COL7A1: variants seen among roughly 807,000 people sequenced by gnomAD.
COL7A1 encodes collagen alpha-1(VII) chain.
Under a neutral mutation model 456.2 loss-of-function variants are expected in COL7A1, and 296 were observed. The observed-to-expected ratio is 0.65, with a 90% CI of 0.59 to 0.71. The LOEUF (loss-of-function observed/expected upper bound fraction) is 0.71, where lower values mean the gene tolerates loss of function less well. COL7A1 is among the 30% of genes least tolerant of loss of function. The probability of loss-of-function intolerance (pLI) is 0.00; values close to 1 mark genes in which losing one functional copy is unlikely to be tolerated. For missense variants in COL7A1, 3,441 were observed against 4,017.2 expected (o/e 0.86, Z 3.88); for synonymous variants, 1,464 against 1,525.9 (o/e 0.96, Z 0.95).
chr3:48,574,682 C>T lies in COL7A1; in HGVS notation c.6388G>A (p.Asp2130Asn), dbSNP rs375909549. Residue 2130 changes from aspartate to asparagine, a missense_variant, in exon 78 of 119, where the codon GAC becomes AAC. Asp to Asn is a conservative substitution (Grantham distance 23). This residue lies in a region of COL7A1 where 2,084 missense variants were observed against 2,501.3 expected (regional missense o/e 0.83). Coordinates refer to ENST00000681320, the MANE Select transcript of COL7A1 (RefSeq NM_000094.4). This position sits in a 1 kb window ranked among gnomAD's most constrained non-coding sequence, Gnocchi z 5.0. ...AGGGTGGAGAGAGGCCTCACCCTGTCTCCTTTGGGACCTTGGTCACCATTG... is the reference window on the plus strand; with the variant it reads ...AGGGTGGAGAGAGGCCTCACCCTGTTTCCTTTGGGACCTTGGTCACCATTG... ...GSNGDQGPKG[D>N]RGVPGIKGDR... 1.8e-5 allele frequency: 29 copies of T among 1,613,852 alleles called. No homozygotes were observed. The African/African-American group carries it at 2.7e-4, about 15-fold the overall frequency.
Position 48,580,942 on chromosome 3 carries a change from A to C in COL7A1, c.4936-16T>G. 6.2e-7 allele frequency: 1 copy of C among 1,614,016 alleles called. No homozygotes were observed. The highest frequency in any genetic ancestry group is 2.2e-5 in the East Asian group (1 of 44,878). ...CCGGGTCACCCTGGTGATAGAGAGA[A>C]AAGTCATACTGCACAGGGCAGTCAG... is the stretch of plus-strand genomic sequence containing the variant. On this transcript the variant is annotated splice_polypyrimidine_tract_variant and intron_variant, in intron 53 of 118. Coordinates refer to ENST00000681320, the MANE Select transcript of COL7A1 (RefSeq NM_000094.4). This position sits in a 1 kb window ranked among gnomAD's most constrained non-coding sequence, Gnocchi z 4.5.
rs1370729684 is a variant in COL7A1, at chr3:48,579,297, A to G, written c.5308-20T>C. 1.2e-6 allele frequency: 2 copies of G among 1,614,002 alleles called. No individual in the cohort carries two copies. Among genetic ancestry groups the G allele is most frequent in the Non-Finnish European group, 1.7e-6 (2 of 1,180,004 alleles). On this transcript the variant is annotated intron_variant, in intron 61 of 118. Transcript: ENST00000681320. This position sits in a 1 kb window ranked among gnomAD's most constrained non-coding sequence, Gnocchi z 4.4. The stretch of plus-strand genomic sequence containing the variant: ...GTCACCCTGTGGAAAATAGAGTGGT[A>G]AGAGGCCACCAAGGCTGAGGTGGAT...
chr3:48,585,541 T>C lies in COL7A1; in HGVS notation c.3894+16A>G, dbSNP rs1416064821. ...GAGGAGTGCCTCAGAGAAACCTCGA[T>C]GGTCTCCACACTCACCCTCTCGCCC... On this transcript the variant is annotated intron_variant, in intron 32 of 118. Coordinates refer to ENST00000681320, the MANE Select transcript of COL7A1 (RefSeq NM_000094.4). The surrounding 1 kb of genome is among the most constrained non-coding windows in gnomAD (Gnocchi z 4.5). 6 of 1,613,660 alleles carry C rather than the reference T, an allele frequency of 3.7e-6. No individual in the cohort carries two copies. Among genetic ancestry groups the C allele is most frequent in the South Asian group, 1.1e-5 (1 of 91,074 alleles).
Position 48,580,342 on chromosome 3 carries a change from G to T in COL7A1, c.5055C>A (p.Gly1685=), listed in dbSNP as rs762239115. 6.2e-7 allele frequency: 1 copy of T among 1,609,496 alleles called. No individual in the cohort carries two copies. Among genetic ancestry groups the T allele is most frequent in the South Asian group, 1.1e-5 (1 of 90,280 alleles). The part of the protein sequence containing the change: ...QGDPGEDGRN[G]SPGSSGPKGD... ...CCTTGGGTCCAGATGATCCAGGGCTGCCCTGCAGAAAGGCAGGGGTCAGGG... is the reference window on the plus strand; with the variant it reads ...CCTTGGGTCCAGATGATCCAGGGCTTCCCTGCAGAAAGGCAGGGGTCAGGG... Residue 1685 remains glycine, a splice_region_variant and synonymous_variant, in exon 56 of 119, where the codon GGC becomes GGA. Transcript: ENST00000681320. This position sits in a 1 kb window ranked among gnomAD's most constrained non-coding sequence, Gnocchi z 4.5.
Position 48,570,482 on chromosome 3 carries a change from C to T in COL7A1, c.7363G>A (p.Gly2455Arg), listed in dbSNP as rs754075625. ...CCACCTACCTTGTCTCCTTTGAGTC[C>T]AGAGGCCCCAGGTGGTCCCTGTAGG... ...PGSVGPPGAS[G>R]LKGDKGDPGV... The change falls in exon 97 of 119, where the codon GGA becomes AGA. Residue 2455 changes from glycine to arginine, a missense_variant. Transcript: ENST00000681320. This position sits in a 1 kb window ranked among gnomAD's most constrained non-coding sequence, Gnocchi z 5.5. 6 of 1,613,938 alleles carry T rather than the reference C, an allele frequency of 3.7e-6. No homozygotes were observed. In the East Asian group the frequency reaches 1.3e-4, roughly 36 times the overall value.
rs2044041345 is a variant in COL7A1, at chr3:48,573,005, G to A, written c.6750+16C>T. The stretch of plus-strand genomic sequence containing the variant: ...CCTTGACCCCTGGAGCCCAACCCTT[G>A]ACCCCCAGAACTCACCACTTGTCCA... On this transcript the variant is annotated intron_variant, in intron 86 of 118. Coordinates refer to ENST00000681320, the MANE Select transcript of COL7A1 (RefSeq NM_000094.4). The surrounding 1 kb of genome is among the most constrained non-coding windows in gnomAD (Gnocchi z 5.5). 6.2e-7 allele frequency: 1 copy of A among 1,613,912 alleles called. No homozygotes were observed. Among genetic ancestry groups the A allele is most frequent in the African/African-American group, 1.3e-5 (1 of 74,872 alleles).
In COL7A1 at chr3:48,565,069, T is replaced by C. The variant is rs1366939818; in HGVS notation, c.8620+40A>G. The C allele has an allele frequency of 2.5e-6, 4 of 1,573,206 alleles. No homozygotes were observed. The highest frequency in any genetic ancestry group is 3.4e-6 in the Non-Finnish European group (4 of 1,164,370). On this transcript the variant is annotated intron_variant, in intron 117 of 118. Coordinates refer to ENST00000681320, the MANE Select transcript of COL7A1 (RefSeq NM_000094.4). The surrounding 1 kb of genome is among the most constrained non-coding windows in gnomAD (Gnocchi z 4.5). Reference sequence around the variant, plus strand: ...GAGGTCAGCAGGGCTCAGCCCTGCCTGCCCCTCCCCAGACCCCGCTGGCAG... The same window carrying C: ...GAGGTCAGCAGGGCTCAGCCCTGCCCGCCCCTCCCCAGACCCCGCTGGCAG...
At position 48,567,109 on chromosome 3, in the gene COL7A1, GACC is replaced by G; in HGVS notation, c.8109+16_8109+18del. 6.2e-7 allele frequency: 1 copy of G among 1,613,504 alleles called. No individual in the cohort carries two copies. Among genetic ancestry groups the G allele is most frequent in the East Asian group, 2.2e-5 (1 of 44,794 alleles). ...GTGCACGCTCCCCTCAATTCACCAT[GACC>G]ATGGCTTCAACTCACCCGCTCCCCT... On this transcript the variant is annotated intron_variant, in intron 110 of 118. Coordinates refer to ENST00000681320, the MANE Select transcript of COL7A1 (RefSeq NM_000094.4). This position sits in a 1 kb window ranked among gnomAD's most constrained non-coding sequence, Gnocchi z 4.3.
chr3:48,589,003 C>T lies in COL7A1; in HGVS notation c.2315-8G>A. On this transcript the variant is annotated splice_polypyrimidine_tract_variant and splice_region_variant and intron_variant, in intron 18 of 118. Coordinates refer to ENST00000681320, the MANE Select transcript of COL7A1 (RefSeq NM_000094.4). ...GACCCACAGGCTCAGGGGCTGGGGACAGAGGCAAGGTAAGGGGTCCTGGTA... is the reference window on the plus strand; with the variant it reads ...GACCCACAGGCTCAGGGGCTGGGGATAGAGGCAAGGTAAGGGGTCCTGGTA... The T allele has an allele frequency of 6.2e-7, 1 of 1,613,300 alleles. No homozygotes were observed. The highest frequency in any genetic ancestry group is 1.1e-5 in the South Asian group (1 of 91,086).
chr3:48,572,293 G>T lies in COL7A1; in HGVS notation c.6978+87C>A. 1 of 1,611,354 alleles carries T rather than the reference G, an allele frequency of 6.2e-7. No individual in the cohort carries two copies. The highest frequency in any genetic ancestry group is 1.1e-5 in the South Asian group (1 of 91,016). On this transcript the variant is annotated intron_variant, in intron 90 of 118. Transcript: ENST00000681320. The surrounding 1 kb of genome is among the most constrained non-coding windows in gnomAD (Gnocchi z 4.6). ...TATGAAAGCTGAGGGTCATGAGGGT[G>T]GGTAAACTATGGGTCGAAGGTCAGA...
rs777799240 is a variant in COL7A1, at chr3:48,569,651, G to T, written c.7558-3C>A. 1.2e-6 allele frequency: 2 copies of T among 1,613,962 alleles called. No homozygotes were observed. On this transcript the variant is annotated splice_region_variant and splice_polypyrimidine_tract_variant and intron_variant, in intron 101 of 118. Transcript: ENST00000681320. This position sits in a 1 kb window ranked among gnomAD's most constrained non-coding sequence, Gnocchi z 4.9. ...CCCAGGATCACAGCTGAGTCTCCCT[G>T]AGGGGGCAGGCAGGAATCAGAGGAG...
In COL7A1 at chr3:48,566,402, C is replaced by T. The variant is rs2107630758; in HGVS notation, c.8359-87G>A. On this transcript the variant is annotated intron_variant, in intron 113 of 118. Coordinates refer to ENST00000681320, the MANE Select transcript of COL7A1 (RefSeq NM_000094.4). The surrounding 1 kb of genome is among the most constrained non-coding windows in gnomAD (Gnocchi z 5.9). ...ACATAATACAGGGACTATGGTGAGA[C>T]TGCATGGAGCCAGGGCCCAGGGGTC... is the stretch of plus-strand genomic sequence containing the variant. The T allele has an allele frequency of 1.9e-6, 3 of 1,606,542 alleles. No homozygotes were observed. Among genetic ancestry groups the T allele is most frequent in the Middle Eastern group, 1.7e-4 (1 of 6,050 alleles).
Position 48,581,369 on chromosome 3 carries a change from C to T in COL7A1, c.4819-29G>A. On this transcript the variant is annotated intron_variant, in intron 51 of 118. Coordinates refer to ENST00000681320, the MANE Select transcript of COL7A1 (RefSeq NM_000094.4). The surrounding 1 kb of genome is among the most constrained non-coding windows in gnomAD (Gnocchi z 5.8). The stretch of plus-strand genomic sequence containing the variant: ...TGGAGGAGGCAAGAGGGAGGTGATG[C>T]AGGACGCTCGAAGCAAGCAGTTCTC... The T allele has an allele frequency of 6.2e-7, 1 of 1,613,688 alleles. No individual in the cohort carries two copies. The highest frequency in any genetic ancestry group is 1.3e-5 in the African/African-American group (1 of 74,992).
Position 48,575,267 on chromosome 3 carries a change from G to A in COL7A1, c.6181-25C>T, listed in dbSNP as rs2044211033. The A allele has an allele frequency of 6.2e-7, 1 of 1,613,732 alleles. No individual in the cohort carries two copies. ...CCTGAAATGCAAATAGCGGGTGAGG[G>A]CCAAGCCCATGGGGGGTCCCACCCC... On this transcript the variant is annotated intron_variant, in intron 74 of 118. Coordinates refer to ENST00000681320, the MANE Select transcript of COL7A1 (RefSeq NM_000094.4). This position sits in a 1 kb window ranked among gnomAD's most constrained non-coding sequence, Gnocchi z 6.3.
Position 48,568,665 on chromosome 3 carries a change from C to A in COL7A1, c.7758+119G>T. 6 of 1,479,074 alleles carry A rather than the reference C, an allele frequency of 4.1e-6. No homozygotes were observed. The highest frequency in any genetic ancestry group is 5.5e-6 in the Non-Finnish European group (6 of 1,083,866). 91.6% of individuals were successfully genotyped at this position (1,479,074 alleles called of 1,614,324 possible). ...CACACACAGATCCCGGGTGAACACA[C>A]ATGGGGCCGGCAGCAAGGGAGCCAG... On this transcript the variant is annotated intron_variant, in intron 104 of 118. Transcript: ENST00000681320. The surrounding 1 kb of genome is among the most constrained non-coding windows in gnomAD (Gnocchi z 5.2).
rs947989087 is a variant in COL7A1 at position 48,582,524 on chromosome 3, A to G, written c.4564-11T>C. The G allele has an allele frequency of 6.2e-7, 1 of 1,613,916 alleles. No individual in the cohort carries two copies. On this transcript the variant is annotated splice_polypyrimidine_tract_variant and intron_variant, in intron 45 of 118. Coordinates refer to ENST00000681320, the MANE Select transcript of COL7A1 (RefSeq NM_000094.4). ...GGGTCCTGGTGGCCCCTGAATGTAG[A>G]GAAAGTGTGAGCCCAGGAGGGGAAG...
In COL7A1 at chr3:48,572,089, C is replaced by T. The variant is rs779790020; in HGVS notation, c.7023+38G>A. The T allele has an allele frequency of 6.2e-7, 1 of 1,613,722 alleles. No homozygotes were observed. Among genetic ancestry groups the T allele is most frequent in the East Asian group, 2.2e-5 (1 of 44,860 alleles). Reference sequence around the variant, plus strand: ...GAGGGGTGTCTGGACTGAGCCTTCTCTGCTCAGTAGTCAGGCCCCAGGGCC... The same window carrying T: ...GAGGGGTGTCTGGACTGAGCCTTCTTTGCTCAGTAGTCAGGCCCCAGGGCC... On this transcript the variant is annotated intron_variant, in intron 91 of 118. Transcript: ENST00000681320. The surrounding 1 kb of genome is among the most constrained non-coding windows in gnomAD (Gnocchi z 4.6).
At position 48,573,687 on chromosome 3, in the gene COL7A1, C is replaced by G; in HGVS notation, c.6573+3G>C. 6.2e-7 allele frequency: 1 copy of G among 1,612,878 alleles called. No homozygotes were observed. The highest frequency in any genetic ancestry group is 8.5e-7 in the Non-Finnish European group (1 of 1,179,406). ...CACCAGGCAGTGTTCCCTGGTCACT[C>G]ACCGGGGCACCAGGTGGTCCAGGGT... is the stretch of plus-strand genomic sequence containing the variant. On this transcript the variant is annotated splice_donor_region_variant and intron_variant, in intron 82 of 118. Transcript: ENST00000681320. This position sits in a 1 kb window ranked among gnomAD's most constrained non-coding sequence, Gnocchi z 5.5.
chr3:48,594,803 C>A lies in COL7A1; in HGVS notation c.86-255G>T, dbSNP rs2045961969. Among the ~76,000 whole-genome samples the A allele has an allele frequency of 6.6e-6, 1 of 152,094 alleles. No individual in the cohort carries two copies. The highest frequency in any genetic ancestry group is 1.9e-4 in the East Asian group (1 of 5,176). ...ACGGGTGTGGACTTGGGACTGAGGT[C>A]AGCCTCTAGGGGCCGGCGTGGATTG... On this transcript the variant is annotated intron_variant, in intron 2 of 118. Transcript: ENST00000681320. The surrounding 1 kb of genome is among the most constrained non-coding windows in gnomAD (Gnocchi z 5.5).
Sources: allele counts gnomAD v4.1 joint callset (sites outside exome capture counted in the v4.1 genomes callset), GRCh38; gene constraint gnomAD v4.1.1; regional missense constraint gnomAD v4.1.1; non-coding constraint Gnocchi (gnomAD v3.1); transcripts MANE v1.5; gene names NCBI Gene and HGNC (gene_info 2026-07-23, HGNC 2026-07-21).